Variants in KDM2A observed in about 807,000 individuals in gnomAD.
KDM2A encodes the protein lysine-specific demethylase 2A.
KDM2A carries 3 observed loss-of-function variants against 137.3 expected under a neutral mutation model. That is an observed-to-expected ratio of 0.02 (90% confidence interval 0.01 to 0.06). KDM2A has a LOEUF of 0.06. Among genes scored for constraint, KDM2A ranks in the 10% least tolerant of loss-of-function variants. The probability of loss-of-function intolerance (pLI) is 1.00; values close to 1 mark genes in which losing one functional copy is unlikely to be tolerated. For synonymous variants in KDM2A, 512 were observed against 541.5 expected (o/e 0.95, Z 0.76); for missense variants, 738 against 1,510.6 (o/e 0.49, Z 8.48).
intron 2 of KDM2A, among the ~76,000 whole-genome samples, chr11:67,123,902 C>G (rs1426646372): frequency 1.3e-5 from 2 of 151,778 alleles, no homozygotes. Context: ...GTCTCGAACT[C>G]CTGACCTCAG....
At chr11:67,150,387 A>G (rs1172571226) in intron 2 of KDM2A, among the ~76,000 whole-genome samples, 2 of 152,236 alleles carry the variant, frequency 1.3e-5, no homozygotes, top group African/African-American at 2.4e-5. Context: ...GGTTGGGGGA[A>G]GAGAAGAGTA....
intron 12 of KDM2A, among the ~76,000 whole-genome samples, chr11:67,236,691 C>A (rs76213096): frequency 2.0e-5 from 3 of 152,208 alleles, no homozygotes; most frequent in Admixed American, 6.5e-5. Flanking sequence ...ATTTTCTCCT[C>A]TATAAAATAT....
At chr11:67,140,775 A>G (rs1203178672) in intron 2 of KDM2A, among the ~76,000 whole-genome samples, 3 of 152,024 alleles carry the variant, frequency 2.0e-5, no homozygotes, top group African/African-American at 4.8e-5. Flanking sequence ...TTACAAGTAT[A>G]CTTTTGATTT....
At chr11:67,216,953 A>G (rs1355673914) in intron 8 of KDM2A, among the ~76,000 whole-genome samples, 1 of 151,810 alleles carries the variant, frequency 6.6e-6, no homozygotes. Flanking sequence ...ACAAAAAAAC[A>G]TGAGGTCTTG....
At chr11:67,142,561 G>A (rs1451007999) in intron 2 of KDM2A, among the ~76,000 whole-genome samples, 1 of 121,194 alleles carries the variant, frequency 8.3e-6, no homozygotes, top group Non-Finnish European at 1.8e-5. Flanking sequence ...TGGCCGGGGG[G>A]TTGGGGTTGG....
At chr11:67,154,358 T>C (rs1375375456) in intron 2 of KDM2A, among the ~76,000 whole-genome samples, 1 of 152,242 alleles carries the variant, frequency 6.6e-6, no homozygotes. Context: ...GTATTTAGTA[T>C]ATTCAAAATG....
At chr11:67,247,052 TATATATATATA>T (rs1859248496) in intron 15 of KDM2A, among the ~76,000 whole-genome samples, 1 of 28,514 alleles carries the variant, frequency 3.5e-5, no homozygotes, top group Non-Finnish European at 7.4e-5. Context: ...TATATATATA[TATATATATATA>T]TATATATATT....
At chr11:67,120,367 G>GT (rs1418415635) in intron 1 of KDM2A, among the ~76,000 whole-genome samples, 1 of 152,182 alleles carries the variant, frequency 6.6e-6, no homozygotes, top group Non-Finnish European at 1.5e-5. Context: ...AAAGGATGCT[G>GT]TTAACGTGGC....
At chr11:67,235,690 C>T (rs530548124) in intron 12 of KDM2A, among the ~76,000 whole-genome samples, 4 of 151,390 alleles carry the variant, frequency 2.6e-5, no homozygotes, top group East Asian at 3.9e-4. Context: ...GGCGCCATCT[C>T]GGCTCACTGC....
chr11:67,180,263 G>T (rs767301966), intron 3 of KDM2A, 46 bp downstream of exon 3: 2 of 1,589,720 alleles, frequency 1.3e-6, no homozygotes, highest in African/African-American at 2.7e-5. Flanking sequence ...GATGTGGGAA[G>T]CCATAGACTC....
intron 12 of KDM2A, among the ~76,000 whole-genome samples, chr11:67,232,622 CTA>C (rs1435161178): frequency 1.3e-5 from 2 of 151,292 alleles, no homozygotes; most frequent in African/African-American, 4.9e-5. Context: ...TCTCCTAATG[CTA>C]TCCCTCCTCC....
chr11:67,245,423 A>T lies in KDM2A; in HGVS notation c.1798A>T (p.Met600Leu). Residue 600 changes from methionine to leucine, a missense_variant, in exon 14 of 21, where the codon ATG (methionine) becomes TTG (leucine). Transcript: ENST00000529006. This position sits in a 1 kb window ranked among gnomAD's most constrained non-coding sequence, Gnocchi z 4.1. The part of the protein sequence containing the change: ...DMKKFGGPGR[M>L]KQSCVLRQCL... ...GAAGAAGTTTGGGGGGCCTGGACGCATGAAGCAGTCCTGTGTCCTCCGACA... is the reference window on the plus strand; with the variant it reads ...GAAGAAGTTTGGGGGGCCTGGACGCTTGAAGCAGTCCTGTGTCCTCCGACA... 1 of 1,613,932 alleles carries T rather than the reference A, an allele frequency of 6.2e-7. No individual in the cohort carries two copies. Among genetic ancestry groups the T allele is most frequent in the Non-Finnish European group, 8.5e-7 (1 of 1,179,886 alleles).
chr11:67,197,272 C>T (rs1469779787), intron 5 of KDM2A: 1 of 151,730 alleles, frequency 6.6e-6, no homozygotes, highest in Non-Finnish European at 1.5e-5. Flanking sequence ...TTCCTGGGCT[C>T]AAGCGATCCT....
At chr11:67,247,730 T>A (rs1362554320) in intron 15 of KDM2A, among the ~76,000 whole-genome samples, 1 of 152,182 alleles carries the variant, frequency 6.6e-6, no homozygotes, top group South Asian at 2.1e-4. Flanking sequence ...CGGCCAACTT[T>A]ACAATCTTAA....
intron 2 of KDM2A, among the ~76,000 whole-genome samples, chr11:67,135,945 AT>A (rs1855962103): frequency 6.6e-6 from 1 of 152,224 alleles, no homozygotes. Context: ...ATCCTATCAT[AT>A]ACTTTCATTG....
intron 2 of KDM2A, among the ~76,000 whole-genome samples, chr11:67,135,453 T>G (rs1235261011): frequency 6.6e-6 from 1 of 152,142 alleles, no homozygotes; most frequent in Non-Finnish European, 1.5e-5. Flanking sequence ...ATATTTTTAA[T>G]TGCCCTGTAG....
chr11:67,136,538 T>C (rs1183780845), intron 2 of KDM2A, among the ~76,000 whole-genome samples: 1 of 152,206 alleles, frequency 6.6e-6, no homozygotes, highest in Non-Finnish European at 1.5e-5. Flanking sequence ...CAGATAATGC[T>C]GAGTGCTTTG....
At chr11:67,215,245 T>C (rs753283444) in intron 6 of KDM2A, 95 bp from the exon 7 acceptor site, 26 of 693,968 alleles carry the variant, frequency 3.7e-5, no homozygotes, top group Non-Finnish European at 5.1e-5. Flanking sequence ...TTTTTTGTTA[T>C]GTATTTTAAG....
In KDM2A at chr11:67,254,829, GCTGTGTGTATGTGAGCA is replaced by G; in HGVS notation, c.3308-40_3308-24del. On this transcript the variant is annotated intron_variant, in intron 20 of 20. Coordinates refer to ENST00000529006, the MANE Select transcript of KDM2A (RefSeq NM_012308.3). This position sits in a 1 kb window ranked among gnomAD's most constrained non-coding sequence, Gnocchi z 4.7. ...TACAGGAATTGAATGGCAGAGGAAA[GCTGTGTGTATGTGAGCA>G]CTGTCATTATGTCCACTTTCCCGAC... The G allele has an allele frequency of 1.3e-6, 2 of 1,537,424 alleles. No homozygotes were observed. The highest frequency in any genetic ancestry group is 1.8e-6 in the Non-Finnish European group (2 of 1,113,698).
Sources: allele counts gnomAD v4.1 joint callset (sites outside exome capture counted in the v4.1 genomes callset), GRCh38; gene constraint gnomAD v4.1.1; non-coding constraint Gnocchi (gnomAD v3.1); transcripts MANE v1.5; gene names NCBI Gene and HGNC (gene_info 2026-07-23, HGNC 2026-07-21).